The following USO1 variants were observed in gnomAD, a reference collection of about 807,000 sequenced individuals.
USO1 encodes the protein general vesicular transport factor p115.
A neutral mutation model predicts 124.5 loss-of-function variants in USO1; 57 were observed. That is an observed-to-expected ratio of 0.46 (90% CI 0.37 to 0.57). USO1 has a LOEUF of 0.57. Among genes scored for constraint, USO1 ranks in the 20% least tolerant of loss-of-function variants. The pLI is 0.00. For missense variants in USO1, 900 were observed against 1,040.6 expected (o/e 0.86, Z 1.86); for synonymous variants, 369 against 362.8 (o/e 1.02, Z -0.19).
chr4:75,734,005 T>A (rs1441572179), intron 1 of USO1, among the ~76,000 whole-genome samples: 2 of 136,840 alleles, frequency 1.5e-5, no homozygotes, highest in African/African-American at 5.4e-5. Flanking sequence ...GTGAGTGCAA[T>A]GGTGCGATTG....
At chr4:75,741,596 T>C (rs144775225) in intron 1 of USO1, among the ~76,000 whole-genome samples, 5,750 of 141,984 alleles carry the variant, frequency 0.04, 174 homozygotes, top group Non-Finnish European at 0.061. Flanking sequence ...TTTTTACTTT[T>C]TAAACTTTTT....
chr4:75,725,610 CGTTATTTAAAAAAAAAA>C (rs1017629490), intron 1 of USO1, among the ~76,000 whole-genome samples: 5 of 114,410 alleles, frequency 4.4e-5, no homozygotes, highest in African/African-American at 1.4e-4. Flanking sequence ...TGATTTGCGG[CGTTATTTAAAAAAAAAA>C]AAAAATGGTT....
In USO1 at chr4:75,796,351, T is replaced by TTTTTTTTTTTTTTTTTG. The variant is rs1245669587; in HGVS notation, c.1452+2452_1452+2453insTTTTTTTTTTTTTTGTT. Among the ~76,000 whole-genome samples the TTTTTTTTTTTTTTTTTG allele has an allele frequency of 8.8e-5, 13 of 146,976 alleles. 2 individuals are homozygous for TTTTTTTTTTTTTTTTTG. In the South Asian group the frequency reaches 2.9e-3, roughly 33 times the overall value. ...AAGTTCCATCATGCTCTTTTTTTTT[T>TTTTTTTTTTTTTTTTTG]TTGAGACGGAGTCTCACTCCGTTGC... On this transcript the variant is annotated intron_variant, in intron 13 of 23. Transcript: ENST00000514213.
chr4:75,779,225 C>G (rs1223449923), intron 8 of USO1, among the ~76,000 whole-genome samples: 3 of 152,146 alleles, frequency 2.0e-5, no homozygotes, highest in Non-Finnish European at 2.9e-5. Flanking sequence ...TCCCTCGGGC[C>G]TCCCTATTCC....
intron 3 of USO1, among the ~76,000 whole-genome samples, chr4:75,756,460 T>C (rs1278606374): frequency 6.6e-6 from 1 of 151,776 alleles, no homozygotes; most frequent in East Asian, 1.9e-4. Context: ...ATATGGAAAA[T>C]AGAATGCATC....
chr4:75,792,280 T>C (rs1189748808), intron 12 of USO1, among the ~76,000 whole-genome samples: 1 of 152,054 alleles, frequency 6.6e-6, no homozygotes, highest in East Asian at 1.9e-4. Flanking sequence ...CTCACTCCTG[T>C]AATCCCAGCA....
chr4:75,731,462 T>C (rs1237777363), intron 1 of USO1, among the ~76,000 whole-genome samples: 1 of 151,614 alleles, frequency 6.6e-6, no homozygotes, highest in African/African-American at 2.4e-5. Context: ...CTAGGGAGGC[T>C]GAGGCAGGAG....
chr4:75,765,723 C>T (rs949246759), intron 4 of USO1, among the ~76,000 whole-genome samples: 6 of 151,510 alleles, frequency 4.0e-5, no homozygotes, highest in Admixed American at 3.3e-4. Flanking sequence ...TACCTTCAAG[C>T]GTGTGTAAGT....
At position 75,751,372 on chromosome 4, in the gene USO1, C is replaced by T. The variant is rs916367194; in HGVS notation, c.67-1001C>T. The stretch of plus-strand genomic sequence containing the variant: ...GACTACAGACACGTGCCACCATGCC[C>T]GGCTAATTTTAGTATTTTTAGTAGA... On this transcript the variant is annotated intron_variant, in intron 1 of 23. Coordinates refer to ENST00000514213, the MANE Select transcript of USO1 (RefSeq NM_003715.4). Among the ~76,000 whole-genome samples, 35 of 149,774 alleles carry T rather than the reference C, an allele frequency of 2.3e-4. No homozygotes were observed. In the East Asian group the frequency reaches 4.8e-3, roughly 20 times the overall value.
intron 1 of USO1, among the ~76,000 whole-genome samples, chr4:75,741,958 T>C (rs1436684121): frequency 1.3e-5 from 2 of 152,144 alleles, no homozygotes; most frequent in African/African-American, 4.8e-5. Context: ...GGCAGGGTCA[T>C]CAATATCACT....
intron 1 of USO1, among the ~76,000 whole-genome samples, chr4:75,729,298 T>C (rs917220656): frequency 1.3e-5 from 2 of 152,066 alleles, no homozygotes; most frequent in Non-Finnish European, 2.9e-5. Context: ...TGTAAGCTTA[T>C]GTGTGCTTAG....
chr4:75,760,271 C>T (rs1172507837), intron 4 of USO1, among the ~76,000 whole-genome samples: 1 of 152,134 alleles, frequency 6.6e-6, no homozygotes, highest in African/African-American at 2.4e-5. Flanking sequence ...TCCTTCAGTT[C>T]TGTTATTGAT....
intron 1 of USO1, among the ~76,000 whole-genome samples, chr4:75,737,791 T>C (rs1430857246): frequency 2.0e-5 from 3 of 152,008 alleles, no homozygotes; most frequent in Non-Finnish European, 4.4e-5. Context: ...AAATAGATTT[T>C]TCAAATAATA....
chr4:75,778,203 C>T lies in USO1; in HGVS notation c.676+3407C>T, dbSNP rs191327247. Among the ~76,000 whole-genome samples, 30 of 152,176 alleles carry T rather than the reference C, an allele frequency of 2.0e-4. No homozygotes were observed. The East Asian group carries it at 2.9e-3, about 15-fold the overall frequency. On this transcript the variant is annotated intron_variant, in intron 8 of 23. Transcript: ENST00000514213. ...ACTTTTGGCTCCCCCAAAACTTAACCGCTAATAGACTATGTTTACCAGAAG... is the reference window on the plus strand; with the variant it reads ...ACTTTTGGCTCCCCCAAAACTTAACTGCTAATAGACTATGTTTACCAGAAG...
intron 8 of USO1, among the ~76,000 whole-genome samples, chr4:75,782,254 A>G (rs1722240767): frequency 2.6e-5 from 4 of 152,202 alleles, no homozygotes; most frequent in Admixed American, 6.5e-5. Flanking sequence ...TGTCTCTGCT[A>G]AAGATACAGA....
intron 4 of USO1, among the ~76,000 whole-genome samples, chr4:75,768,030 T>G (rs1289969541): frequency 6.6e-6 from 1 of 152,160 alleles, no homozygotes; most frequent in Non-Finnish European, 1.5e-5. Flanking sequence ...TTCTTCTCCT[T>G]TTTTGGGACA....
At chr4:75,744,353 C>T (rs1016665452) in intron 1 of USO1, among the ~76,000 whole-genome samples, 5 of 152,150 alleles carry the variant, frequency 3.3e-5, no homozygotes, top group Non-Finnish European at 2.9e-5. Flanking sequence ...TACTGAGATA[C>T]GGAAGGATGA....
intron 1 of USO1, among the ~76,000 whole-genome samples, chr4:75,733,090 C>G (rs1054505295): frequency 2.6e-5 from 4 of 151,552 alleles, no homozygotes; most frequent in Non-Finnish European, 4.4e-5. Context: ...GAAACCCCGT[C>G]TCTACTACAA....
Position 75,800,373 on chromosome 4 carries a change from A to C in USO1, c.1586A>C (p.Asn529Thr). 6.3e-7 allele frequency: 1 copy of C among 1,595,620 alleles called. No individual in the cohort carries two copies. The highest frequency in any genetic ancestry group is 8.5e-7 in the Non-Finnish European group (1 of 1,170,650). The change falls in exon 15 of 24, where the codon AAT becomes ACT. Residue 529 changes from asparagine to threonine, a missense_variant. Coordinates refer to ENST00000514213, the MANE Select transcript of USO1 (RefSeq NM_003715.4). ...VPFLTGQIAE[N>T]LGEEEQLVQG... ...CAGCTTACAGGACAAATTGCAGAAAATCTTGGAGAAGAAGAGCAGTTGGTC... is the reference window on the plus strand; with the variant it reads ...CAGCTTACAGGACAAATTGCAGAAACTCTTGGAGAAGAAGAGCAGTTGGTC...
Sources: gnomAD v4.1 joint callset for allele counts (sites outside exome capture counted in the v4.1 genomes callset) on GRCh38, gnomAD v4.1.1 for gene constraint, MANE v1.5 for transcripts, NCBI Gene and HGNC (gene_info 2026-07-23, HGNC 2026-07-21) for gene names.